The following DOK6 variants were observed in gnomAD, a reference collection of about 807,000 sequenced individuals.
The protein encoded by DOK6 is docking protein 6.
DOK6 carries 22 observed loss-of-function variants against 44.0 expected under a neutral mutation model. The observed-to-expected ratio is 0.50, with a 90% CI of 0.36 to 0.71. The LOEUF is 0.71. Ranked by LOEUF, DOK6 falls within the 30% of genes least tolerant of loss-of-function variation. The pLI is 0.00. For synonymous variants in DOK6, 166 were observed against 145.5 expected (o/e 1.14, Z -1.01); for missense variants, 340 against 416.4 (o/e 0.82, Z 1.60).
At chr18:69,493,741 T>A (rs1980804039) in intron 1 of DOK6, among the ~76,000 whole-genome samples, 1 of 152,104 alleles carries the variant, frequency 6.6e-6, no homozygotes, top group East Asian at 1.9e-4. Context: ...TAATAGAAAA[T>A]TACAAGCAAC....
At chr18:69,803,145 C>G (rs1980952400) in intron 7 of DOK6, among the ~76,000 whole-genome samples, 1 of 151,994 alleles carries the variant, frequency 6.6e-6, no homozygotes, top group Non-Finnish European at 1.5e-5. Flanking sequence ...TCCATTTTCA[C>G]CTAACACTTT....
At chr18:69,831,593 T>C (rs534834591) in intron 7 of DOK6, among the ~76,000 whole-genome samples, 4 of 152,148 alleles carry the variant, frequency 2.6e-5, no homozygotes, top group Non-Finnish European at 4.4e-5. Context: ...TACATCACTG[T>C]CTTTATGGAT....
chr18:69,632,361 C>T (rs1460225293), intron 3 of DOK6, among the ~76,000 whole-genome samples: 5 of 152,184 alleles, frequency 3.3e-5, no homozygotes, highest in African/African-American at 1.2e-4. Context: ...CCATTTTGTT[C>T]TGAGTTTTCC....
intron 7 of DOK6, among the ~76,000 whole-genome samples, chr18:69,772,851 A>G (rs565284945): frequency 1.3e-5 from 2 of 152,190 alleles, no homozygotes; most frequent in Non-Finnish European, 2.9e-5. Context: ...GCATTATATC[A>G]AACTAAAAAT....
intron 3 of DOK6, among the ~76,000 whole-genome samples, chr18:69,638,061 C>G (rs1346082420): frequency 6.6e-6 from 1 of 152,108 alleles, no homozygotes; most frequent in Non-Finnish European, 1.5e-5. Flanking sequence ...AATATTCTTC[C>G]TATTGCCTTT....
At chr18:69,448,465 G>A (rs755475578) in intron 1 of DOK6, among the ~76,000 whole-genome samples, 7 of 152,018 alleles carry the variant, frequency 4.6e-5, no homozygotes, top group South Asian at 4.1e-4. Context: ...TCTGCCTCTC[G>A]GGTTCAAGTG....
chr18:69,795,623 T>C (rs1296037620), intron 7 of DOK6, among the ~76,000 whole-genome samples: 1 of 152,128 alleles, frequency 6.6e-6, no homozygotes, highest in East Asian at 1.9e-4. Context: ...ATTTAACAAA[T>C]GTTTACTAAG....
intron 5 of DOK6, among the ~76,000 whole-genome samples, chr18:69,725,404 T>G (rs1978301187): frequency 6.6e-6 from 1 of 152,238 alleles, no homozygotes; most frequent in Non-Finnish European, 1.5e-5. Flanking sequence ...CAGGAAACTC[T>G]CCTGGGCTTG....
In DOK6 at chr18:69,721,108, A is replaced by G. The variant is rs76188362; in HGVS notation, c.600-17857A>G. Among the ~76,000 whole-genome samples, 339 of 152,284 alleles carry G rather than the reference A, an allele frequency of 2.2e-3. 6 individuals carry two copies. In the East Asian group the frequency reaches 0.059, roughly 27 times the overall value. The stretch of plus-strand genomic sequence containing the variant: ...AAAAAAGAAGTAGCTATCCTCACAT[A>G]CCCATGATTATATACAAATGTTAGA... On this transcript the variant is annotated intron_variant, in intron 5 of 7. Coordinates refer to ENST00000382713, the MANE Select transcript of DOK6 (RefSeq NM_152721.6).
intron 6 of DOK6, among the ~76,000 whole-genome samples, chr18:69,748,663 G>T (rs1369942210): frequency 6.6e-6 from 1 of 152,166 alleles, no homozygotes; most frequent in Non-Finnish European, 1.5e-5. Context: ...AACAACAGAT[G>T]CTGGCAAGGT....
At chr18:69,621,428 C>T (rs1318488777) in intron 3 of DOK6, among the ~76,000 whole-genome samples, 1 of 152,088 alleles carries the variant, frequency 6.6e-6, no homozygotes, top group Non-Finnish European at 1.5e-5. Flanking sequence ...GTATTTCCTT[C>T]TCCTTCTCTT....
At chr18:69,703,148 T>C (rs184113846) in intron 5 of DOK6, among the ~76,000 whole-genome samples, 2 of 152,194 alleles carry the variant, frequency 1.3e-5, no homozygotes, top group Non-Finnish European at 2.9e-5. Flanking sequence ...CACTTTGTCT[T>C]GGCATTATCT....
At chr18:69,778,545 A>G (rs1251635587) in intron 7 of DOK6, among the ~76,000 whole-genome samples, 1 of 152,216 alleles carries the variant, frequency 6.6e-6, no homozygotes, top group Non-Finnish European at 1.5e-5. Context: ...AAACCACTGT[A>G]AACTACATGG....
At chr18:69,552,594 C>T (rs1163085788) in intron 1 of DOK6, among the ~76,000 whole-genome samples, 1 of 152,168 alleles carries the variant, frequency 6.6e-6, no homozygotes, top group African/African-American at 2.4e-5. Flanking sequence ...GGATTACTTC[C>T]TCCAGGACTT....
chr18:69,472,262 C>T (rs1042050895), intron 1 of DOK6, among the ~76,000 whole-genome samples: 4 of 152,178 alleles, frequency 2.6e-5, no homozygotes, highest in African/African-American at 9.7e-5. Flanking sequence ...AGGCCAGATT[C>T]TGAGTGTGAG....
chr18:69,712,149 C>T (rs1359100416), intron 5 of DOK6, among the ~76,000 whole-genome samples: 3 of 147,896 alleles, frequency 2.0e-5, no homozygotes. Flanking sequence ...GGCGTAGTGG[C>T]GGGCGCCTGT....
At chr18:69,617,451 A>G (rs529012742) in intron 3 of DOK6, among the ~76,000 whole-genome samples, 1 of 149,630 alleles carries the variant, frequency 6.7e-6, no homozygotes, top group South Asian at 2.2e-4. Context: ...GGAGAGAGGG[A>G]GGAAGGAAGG....
At chr18:69,689,499 T>C (rs1207719897) in intron 4 of DOK6, among the ~76,000 whole-genome samples, 2 of 152,312 alleles carry the variant, frequency 1.3e-5, no homozygotes, top group Admixed American at 1.3e-4. Context: ...GTAGATGTAA[T>C]TTTTGATAAA....
chr18:69,523,575 A>G lies in DOK6; in HGVS notation c.67-40912A>G, dbSNP rs1981746499. On this transcript the variant is annotated intron_variant, in intron 1 of 7. Transcript: ENST00000382713. ...TTTGTTTTCTTTTTTACTTGAAAAC[A>G]AATGTTTATTCAATGGTTAAAAACA... Among the ~76,000 whole-genome samples, 3 of 152,088 alleles carry G rather than the reference A, an allele frequency of 2.0e-5. No individual in the cohort carries two copies. The South Asian group carries it at 6.2e-4, about 31-fold the overall frequency.
Sources: gnomAD v4.1 joint callset for allele counts (sites outside exome capture counted in the v4.1 genomes callset) on GRCh38, gnomAD v4.1.1 for gene constraint, MANE v1.5 for transcripts, NCBI Gene and HGNC (gene_info 2026-07-23, HGNC 2026-07-21) for gene names.